The following SCUBE2 variants were observed in gnomAD, a reference collection of about 807,000 sequenced individuals.
SCUBE2 encodes the protein signal peptide, CUB and EGF-like domain-containing protein 2.
Under a neutral mutation model 125.9 loss-of-function variants are expected in SCUBE2, and 114 were observed. The ratio of observed to expected loss-of-function variants is 0.91; its 90% CI spans 0.78 to 1.06. The LOEUF is 1.06. SCUBE2 is among the 50% of genes least tolerant of loss of function. The probability of loss-of-function intolerance (pLI) is 0.00; values close to 1 mark genes in which losing one functional copy is unlikely to be tolerated. For missense variants in SCUBE2, 1,255 were observed against 1,301.8 expected, an observed-to-expected ratio of 0.96 and a Z score of 0.55; for synonymous variants, 459 against 492.9, an observed-to-expected ratio of 0.93 and a Z score of 0.91.
At chr11:9,077,657 G>A (rs1180181577) in intron 3 of SCUBE2, among the ~76,000 whole-genome samples, 1 of 152,166 alleles carries the variant, frequency 6.6e-6, no homozygotes, top group Non-Finnish European at 1.5e-5. Flanking sequence ...GTGTCTATGT[G>A]TGCCGGTCCT....
chr11:9,055,667 A>G (rs1405675998), intron 10 of SCUBE2, 126 bp downstream of exon 10: 5 of 718,698 alleles, frequency 7.0e-6, no homozygotes, highest in Middle Eastern at 4.0e-4. Context: ...ACTCACCGCT[A>G]TTGCTCAGGG....
At chr11:9,053,918 G>C (rs1250296138) in intron 10 of SCUBE2, among the ~76,000 whole-genome samples, 159 bp from the exon 11 acceptor site, 1 of 151,390 alleles carries the variant, frequency 6.6e-6, no homozygotes, top group African/African-American at 2.4e-5. Context: ...GGCACCAGCT[G>C]ACTGCACACC....
intron 3 of SCUBE2, among the ~76,000 whole-genome samples, chr11:9,077,346 T>C (rs1275338207): frequency 6.6e-6 from 1 of 152,138 alleles, no homozygotes; most frequent in African/African-American, 2.4e-5. Context: ...ACAGCTATGA[T>C]GAGCTCCCAG....
At chr11:9,064,450 AGAGT>A (rs1860003053) in intron 7 of SCUBE2, 1 of 150,198 alleles carries the variant, frequency 6.7e-6, no homozygotes, top group African/African-American at 2.5e-5. Flanking sequence ...TGGGGGCAAC[AGAGT>A]GAGACTCTGT....
Position 9,074,496 on chromosome 11 carries a change from T to G in SCUBE2, c.502A>C (p.Ile168Leu), listed in dbSNP as rs929357988. 3.1e-6 allele frequency: 5 copies of G among 1,614,034 alleles called. No individual in the cohort carries two copies. Among genetic ancestry groups the G allele is most frequent in the Non-Finnish European group, 4.2e-6 (5 of 1,180,018 alleles). ...FFLSDNQHTCIHRSEEGLSCM... is the reference protein window; with the variant it reads ...FFLSDNQHTCLHRSEEGLSCM... ...GCAGAGGTACCTTCCGAGCGGTGAA[T>G]GCAGGTGTGCTGATTGTCACTCAGG... is the stretch of plus-strand genomic sequence containing the variant. Residue 168 changes from isoleucine to leucine, a missense_variant, in exon 4 of 23, where the codon ATT becomes CTT. Coordinates refer to ENST00000649792, the MANE Select transcript of SCUBE2 (RefSeq NM_001367977.2).
In SCUBE2 at chr11:9,090,221, G is replaced by A. The variant is rs538962538; in HGVS notation, c.134-392C>T. On this transcript the variant is annotated intron_variant, in intron 1 of 22. Transcript: ENST00000649792. ...AGACAATGTCTTGACAACAGACTGC[G>A]TCTGTGTCCCTTATGCCAAGCCAGC... The A allele has an allele frequency of 7.5e-5, 12 of 159,908 alleles. No homozygotes were observed. The East Asian group carries it at 1.1e-3, about 15-fold the overall frequency. 9.9% of individuals were successfully genotyped at this position (159,908 alleles called of 1,614,324 possible). A position where few individuals can be genotyped will look rare whatever the true frequency, so the allele number is the denominator to read the frequency against.
rs1331963819 is a variant in SCUBE2, at chr11:9,033,746, A to T, written c.2053T>A (p.Leu685Ile). 2 of 1,614,118 alleles carry T rather than the reference A, an allele frequency of 1.2e-6. No homozygotes were observed. Among genetic ancestry groups the T allele is most frequent in the Admixed American group, 3.3e-5 (2 of 60,012 alleles). ...YYDGARERCI[L>I]CPNGTFQNEE... Reference sequence around the variant, plus strand: ...TTTTGGAAGGTTCCATTTGGACATAAAATGCAGCGTTCTCGTGCTCCATCA... The same window carrying T: ...TTTTGGAAGGTTCCATTTGGACATATAATGCAGCGTTCTCGTGCTCCATCA... Residue 685 changes from leucine to isoleucine, a missense_variant, in exon 17 of 23, where the codon TTA (leucine) becomes ATA (isoleucine). Physicochemically the swap from Leu to Ile is conservative, Grantham distance 5. Around this residue, in one of 3 missense-constraint regions of SCUBE2, gnomAD observed 515 missense variants for 515.7 expected, o/e 1.00. Transcript: ENST00000649792.
chr11:9,088,579 C>G (rs923349721), intron 2 of SCUBE2, among the ~76,000 whole-genome samples: 1 of 152,230 alleles, frequency 6.6e-6, no homozygotes, highest in South Asian at 2.1e-4. Context: ...CTTTCTTACT[C>G]ATTGTGTAGC....
chr11:9,027,053 C>T (rs577929783), intron 20 of SCUBE2: 22 of 378,418 alleles, frequency 5.8e-5, no homozygotes, highest in African/African-American at 2.9e-4. Context: ...AGTATGAGGC[C>T]TTGTCTGGGG....
At position 9,047,600 on chromosome 11, in the gene SCUBE2, C is replaced by T. The variant is rs766430300; in HGVS notation, c.1796-38G>A. 7 of 1,593,168 alleles carry T rather than the reference C, an allele frequency of 4.4e-6. No homozygotes were observed. In the African/African-American group the frequency reaches 9.4e-5, roughly 21 times the overall value. ...GAGGGACAGCAGTGCGGGAGGAGATCAGGCTGCAGCGTGTGACAATGGCCA... is the reference window on the plus strand; with the variant it reads ...GAGGGACAGCAGTGCGGGAGGAGATTAGGCTGCAGCGTGTGACAATGGCCA... On this transcript the variant is annotated intron_variant, in intron 15 of 22. Coordinates refer to ENST00000649792, the MANE Select transcript of SCUBE2 (RefSeq NM_001367977.2).
Position 9,091,564 on chromosome 11 carries a change from T to G in SCUBE2, c.-36A>C. The G allele has an allele frequency of 2.1e-6, 1 of 481,098 alleles. No homozygotes were observed. The highest frequency in any genetic ancestry group is 3.1e-6 in the Non-Finnish European group (1 of 325,708). The allele number at this position is 481,098 out of a possible 1,614,324, so 29.8% of individuals were successfully genotyped here. On this transcript the variant is annotated 5_prime_UTR_variant, in exon 1 of 23. Transcript: ENST00000649792. This position sits in a 1 kb window ranked among gnomAD's most constrained non-coding sequence, Gnocchi z 8.5. ...GCGGTTGCGGGCAGAGGCGGCGGAG[T>G]GCGGGCGGTGGCGGCGGCGGCGCGG...
At chr11:9,033,525 C>A in intron 17 of SCUBE2, 101 bp downstream of exon 17, 26 of 1,378,200 alleles carry the variant, frequency 1.9e-5, no homozygotes, top group Non-Finnish European at 2.3e-5. Flanking sequence ...TTGTAGGAAG[C>A]CCCGGGTGAG....
intron 3 of SCUBE2, among the ~76,000 whole-genome samples, chr11:9,078,511 C>A (rs1442156599): frequency 6.6e-6 from 1 of 152,206 alleles, no homozygotes; most frequent in Non-Finnish European, 1.5e-5. Context: ...TTATGCAGAT[C>A]TCAAAGCATT....
At chr11:9,043,297 C>T (rs1172940855) in intron 16 of SCUBE2, among the ~76,000 whole-genome samples, 2 of 152,146 alleles carry the variant, frequency 1.3e-5, no homozygotes, top group African/African-American at 4.8e-5. Context: ...TGCATACACA[C>T]ACATATATAT....
rs61409328 is a variant in SCUBE2, at chr11:9,058,595, C to CAAAAAAA, written c.1090+701_1090+707dup. 3.4e-4 allele frequency among the ~76,000 whole-genome samples: 15 copies of CAAAAAAA among 44,316 alleles called. 1 individual carries two copies. The highest frequency in any genetic ancestry group is 1.1e-3 in the African/African-American group (13 of 11,760). 29.1% of individuals were successfully genotyped at this position (44,316 alleles called of 152,430 possible). A position where few individuals can be genotyped will look rare whatever the true frequency, so the allele number is the denominator to read the frequency against. On this transcript the variant is annotated intron_variant, in intron 9 of 22. Coordinates refer to ENST00000649792, the MANE Select transcript of SCUBE2 (RefSeq NM_001367977.2). ...TGGGTGACAGAGCGAGACTCTGTCT[C>CAAAAAAA]AAAAAAAAAAAAAAAAAAAAAAAAA...
chr11:9,078,359 C>G (rs1256232252), intron 3 of SCUBE2, among the ~76,000 whole-genome samples: 2 of 152,208 alleles, frequency 1.3e-5, no homozygotes, highest in Non-Finnish European at 2.9e-5. Context: ...ATAACAGAGT[C>G]CATCAGGATG....
chr11:9,034,435 G>A (rs1856585470), intron 16 of SCUBE2, among the ~76,000 whole-genome samples: 1 of 152,192 alleles, frequency 6.6e-6, no homozygotes, highest in Non-Finnish European at 1.5e-5. Flanking sequence ...GAAAGGACAG[G>A]AGTCAGGCAT....
chr11:9,078,355 G>A (rs1423927365), intron 3 of SCUBE2, among the ~76,000 whole-genome samples: 1 of 152,164 alleles, frequency 6.6e-6, no homozygotes, highest in African/African-American at 2.4e-5. Flanking sequence ...GGAAATAACA[G>A]AGTCCATCAG....
chr11:9,033,855 T>C, intron 16 of SCUBE2, 59 bp from the exon 17 acceptor site: 1 of 1,573,602 alleles, frequency 6.4e-7, no homozygotes, highest in Non-Finnish European at 8.7e-7. Context: ...AAGGATGATG[T>C]GAGTTCTAGA....
Sources: gnomAD v4.1 joint callset for allele counts (sites outside exome capture counted in the v4.1 genomes callset) on GRCh38, gnomAD v4.1.1 for gene constraint, gnomAD v4.1.1 regional missense constraint, Gnocchi (gnomAD v3.1) non-coding constraint, MANE v1.5 for transcripts, NCBI Gene and HGNC (gene_info 2026-07-23, HGNC 2026-07-21) for gene names.